CFAP299: variants seen among roughly 807,000 people sequenced by gnomAD.
The protein encoded by CFAP299 is cilia- and flagella-associated protein 299.
A neutral mutation model predicts 27.0 loss-of-function variants in CFAP299; 21 were observed. That is an observed-to-expected ratio of 0.78 (90% CI 0.55 to 1.12). The LOEUF (loss-of-function observed/expected upper bound fraction) is 1.12, where lower values mean the gene tolerates loss of function less well. Among genes scored for constraint, CFAP299 ranks in the 50% most tolerant of loss-of-function variants. CFAP299 has a pLI of 0.00. For synonymous variants in CFAP299, 104 were observed against 98.1 expected (o/e 1.06, Z -0.36); for missense variants, 310 against 276.6 (o/e 1.12, Z -0.86).
chr4:80,960,365 T>TA (rs1410939201), intron 5 of CFAP299, among the ~76,000 whole-genome samples: 22 of 151,934 alleles, frequency 1.4e-4, no homozygotes, highest in African/African-American at 5.3e-4. Context: ...TTATTTCTGT[T>TA]AAAACGTCAA....
At chr4:80,874,565 G>A (rs1180924364) in intron 4 of CFAP299, among the ~76,000 whole-genome samples, 1 of 152,176 alleles carries the variant, frequency 6.6e-6, no homozygotes, top group Non-Finnish European at 1.5e-5. Flanking sequence ...TGGCAGAATT[G>A]CCATTTGGTG....
chr4:80,564,335 T>C (rs1735178902), intron 2 of CFAP299, among the ~76,000 whole-genome samples: 3 of 152,014 alleles, frequency 2.0e-5, no homozygotes, highest in Admixed American at 6.6e-5. Flanking sequence ...TTCATTATGA[T>C]CAAGTGGCAT....
intron 3 of CFAP299, among the ~76,000 whole-genome samples, chr4:80,670,505 G>T (rs145216811): frequency 3.3e-5 from 5 of 152,158 alleles, no homozygotes; most frequent in Non-Finnish European, 7.3e-5. Context: ...TATATACCCC[G>T]TAATGGGATG....
At chr4:80,712,299 A>G (rs954633067) in intron 3 of CFAP299, among the ~76,000 whole-genome samples, 3 of 152,204 alleles carry the variant, frequency 2.0e-5, no homozygotes, top group Non-Finnish European at 4.4e-5. Flanking sequence ...GAGAAAAAGA[A>G]GTGTTACTAT....
intron 1 of CFAP299, among the ~76,000 whole-genome samples, chr4:80,356,169 G>C (rs1169529092): frequency 1.3e-5 from 2 of 151,078 alleles, no homozygotes; most frequent in African/African-American, 4.9e-5. Context: ...CTTTATTTCT[G>C]AGTTCTCCAT....
chr4:80,756,793 T>C (rs915309094), intron 3 of CFAP299, among the ~76,000 whole-genome samples: 2 of 152,148 alleles, frequency 1.3e-5, no homozygotes, highest in Non-Finnish European at 2.9e-5. Context: ...AAAAATGTGC[T>C]GACCTCTGTC....
rs575446455 is a variant in CFAP299 at position 80,467,306 on chromosome 4, C to T, written c.242+104422C>T. Among the ~76,000 whole-genome samples the T allele has an allele frequency of 5.9e-5, 9 of 152,326 alleles. No individual in the cohort carries two copies. The South Asian group carries it at 1.9e-3, about 32-fold the overall frequency. On this transcript the variant is annotated intron_variant, in intron 2 of 5. Coordinates refer to ENST00000358105, the MANE Select transcript of CFAP299 (RefSeq NM_152770.3). ...TTGGGCCTATTGATGGTGATTGAAG[C>T]AGAGCAGCCAAAGCTGTTCTAAGTC...
intron 3 of CFAP299, among the ~76,000 whole-genome samples, chr4:80,775,742 ACCAT>A (rs911612373): frequency 9.2e-5 from 14 of 152,160 alleles, no homozygotes; most frequent in African/African-American, 3.4e-4. Flanking sequence ...CGAAAAACTG[ACCAT>A]CCAAATAAAA....
At position 80,433,664 on chromosome 4, in the gene CFAP299, TG is replaced by T. The variant is rs565177914; in HGVS notation, c.242+70782del. ...GCTAAAATCTTAAGTATGGAGTATT[TG>T]GCTACCAACTTTGTACAATGTAACA... On this transcript the variant is annotated intron_variant, in intron 2 of 5. Transcript: ENST00000358105. Among the ~76,000 whole-genome samples, 380 of 152,294 alleles carry T rather than the reference TG, an allele frequency of 2.5e-3. 1 individual carries two copies. Among genetic ancestry groups the T allele is most frequent in the South Asian group, 5.6e-3 (27 of 4,832 alleles).
chr4:80,648,223 A>C (rs897493738), intron 3 of CFAP299, among the ~76,000 whole-genome samples: 12 of 152,186 alleles, frequency 7.9e-5, no homozygotes, highest in African/African-American at 2.7e-4. Flanking sequence ...AAGTACCTTT[A>C]GGTTCCTGCT....
intron 2 of CFAP299, among the ~76,000 whole-genome samples, chr4:80,505,195 A>G (rs1731960754): frequency 6.6e-6 from 1 of 151,910 alleles, no homozygotes; most frequent in East Asian, 1.9e-4. Context: ...TACCTGTGTT[A>G]CAAATCTTCT....
At chr4:80,463,299 G>T (rs1156601227) in intron 2 of CFAP299, among the ~76,000 whole-genome samples, 1 of 152,030 alleles carries the variant, frequency 6.6e-6, no homozygotes, top group East Asian at 1.9e-4. Flanking sequence ...CACTACATGA[G>T]AATGAGTCAG....
chr4:80,640,618 T>C (rs1739676912), intron 3 of CFAP299, among the ~76,000 whole-genome samples: 1 of 152,220 alleles, frequency 6.6e-6, no homozygotes, highest in Non-Finnish European at 1.5e-5. Flanking sequence ...GAATTAGTCC[T>C]GGGAATTTCA....
At chr4:80,912,602 G>A (rs902803363) in intron 4 of CFAP299, among the ~76,000 whole-genome samples, 1 of 152,166 alleles carries the variant, frequency 6.6e-6, no homozygotes, top group Non-Finnish European at 1.5e-5. Flanking sequence ...CCACAGACAA[G>A]GGAGAGGTGA....
chr4:80,457,237 A>T (rs1319846596), intron 2 of CFAP299, among the ~76,000 whole-genome samples: 1 of 152,210 alleles, frequency 6.6e-6, no homozygotes, highest in Non-Finnish European at 1.5e-5. Flanking sequence ...CACAACAAAA[A>T]AATCATATGG....
chr4:80,501,554 T>C (rs1238407706), intron 2 of CFAP299, among the ~76,000 whole-genome samples: 4 of 148,296 alleles, frequency 2.7e-5, no homozygotes, highest in Non-Finnish European at 1.5e-5. Context: ...ATGTTAAGTA[T>C]AAATATATAA....
chr4:80,390,873 A>G (rs991516294), intron 2 of CFAP299, among the ~76,000 whole-genome samples: 2 of 97,444 alleles, frequency 2.1e-5, no homozygotes, highest in South Asian at 3.2e-4. Flanking sequence ...ATGCGCACAT[A>G]TATGTATATA....
At chr4:80,463,374 AATTTT>A (rs1729548584) in intron 2 of CFAP299, among the ~76,000 whole-genome samples, 1 of 152,190 alleles carries the variant, frequency 6.6e-6, no homozygotes, top group Non-Finnish European at 1.5e-5. Context: ...CTCTGTGAAG[AATTTT>A]ATGAACAAAA....
intron 2 of CFAP299, among the ~76,000 whole-genome samples, chr4:80,576,193 A>ATATATATATATATATAT (rs1264207681): frequency 6.0e-5 from 2 of 33,296 alleles, no homozygotes; most frequent in African/African-American, 1.6e-4. Context: ...ATAATAAAAA[A>ATATATATATATATATAT]AAAAATATAT....
Sources: gnomAD v4.1 joint callset for allele counts (sites outside exome capture counted in the v4.1 genomes callset) on GRCh38, gnomAD v4.1.1 for gene constraint, MANE v1.5 for transcripts, NCBI Gene and HGNC (gene_info 2026-07-23, HGNC 2026-07-21) for gene names.